The following SNTG2 variants were observed in gnomAD, a reference collection of about 807,000 sequenced individuals.
SNTG2 encodes the protein syntrophin gamma 2, also known as gamma-2-syntrophin.
Under a neutral mutation model 70.9 loss-of-function variants are expected in SNTG2, and 74 were observed. The observed-to-expected ratio is 1.04, with a 90% CI of 0.86 to 1.27. SNTG2 has a LOEUF of 1.27. SNTG2 is among the 50% of genes most tolerant of loss of function. The pLI, the probability that SNTG2 is intolerant of heterozygous loss-of-function variation, is 0.00. For synonymous variants in SNTG2, 278 were observed against 273.8 expected, an observed-to-expected ratio of 1.02 and a Z score of -0.15; for missense variants, 717 against 690.7, an observed-to-expected ratio of 1.04 and a Z score of -0.43.
intron 8 of SNTG2, among the ~76,000 whole-genome samples, chr2:1,189,629 A>T (rs1013509388): frequency 2.7e-5 from 4 of 150,854 alleles, no homozygotes; most frequent in African/African-American, 7.3e-5. Flanking sequence ...CACAATCTTG[A>T]CTCACTGCAA....
At chr2:1,314,625 C>A (rs144639635) in intron 15 of SNTG2, among the ~76,000 whole-genome samples, 1 of 152,296 alleles carries the variant, frequency 6.6e-6, no homozygotes, top group East Asian at 1.9e-4. Context: ...CTTCTGCTCG[C>A]GACAAGAATG....
chr2:1,242,576 C>T (rs1311623139), intron 11 of SNTG2, among the ~76,000 whole-genome samples: 2 of 152,172 alleles, frequency 1.3e-5, no homozygotes, highest in Non-Finnish European at 2.9e-5. Context: ...CATATGCTCA[C>T]CCCACCAAAT....
intron 16 of SNTG2, among the ~76,000 whole-genome samples, chr2:1,364,737 C>CGA (rs547093586): frequency 7.6e-6 from 1 of 132,016 alleles, no homozygotes; most frequent in African/African-American, 2.9e-5. Flanking sequence ...CTAAAAATAC[C>CGA]AAAAAAAAAA....
At chr2:1,235,960 T>G (rs952732028) in intron 9 of SNTG2, among the ~76,000 whole-genome samples, 29 of 152,196 alleles carry the variant, frequency 1.9e-4, no homozygotes, top group African/African-American at 6.8e-4. Flanking sequence ...TGTGTGTGTG[T>G]CCTGTAGCTC....
intron 7 of SNTG2, among the ~76,000 whole-genome samples, chr2:1,166,600 A>AG (rs1254146168): frequency 6.6e-6 from 1 of 152,066 alleles, no homozygotes; most frequent in Non-Finnish European, 1.5e-5. Context: ...CTGATACAGG[A>AG]GGGGGGCAGG....
chr2:1,083,053 G>T (rs1238863878), intron 1 of SNTG2, among the ~76,000 whole-genome samples: 1 of 152,070 alleles, frequency 6.6e-6, no homozygotes, highest in Admixed American at 6.6e-5. Flanking sequence ...TGAGAAGGCC[G>T]CTTCCTCCTC....
Position 1,353,202 on chromosome 2 carries a change from C to A in SNTG2, c.1489-14141C>A, listed in dbSNP as rs1660673993. On this transcript the variant is annotated intron_variant, in intron 16 of 16. Transcript: ENST00000308624. This position sits in a 1 kb window ranked among gnomAD's most constrained non-coding sequence, Gnocchi z 4.2. ...AGGCTGCACATCAGGCCCCCTCCAT[C>A]CCCAGGACAGCCAGGTCACCTGTAC... is the stretch of plus-strand genomic sequence containing the variant. Among the ~76,000 whole-genome samples, 1 of 152,126 alleles carries A rather than the reference C, an allele frequency of 6.6e-6. No homozygotes were observed. The highest frequency in any genetic ancestry group is 2.4e-5 in the African/African-American group (1 of 41,436).
At chr2:1,295,570 A>G (rs1445650505) in intron 14 of SNTG2, among the ~76,000 whole-genome samples, 5 of 152,188 alleles carry the variant, frequency 3.3e-5, no homozygotes, top group African/African-American at 1.2e-4. Flanking sequence ...TGAGTCTCCA[A>G]TGTTTGGGTG....
intron 1 of SNTG2, among the ~76,000 whole-genome samples, chr2:1,060,652 C>G (rs1330279729): frequency 6.6e-6 from 1 of 152,080 alleles, no homozygotes; most frequent in Non-Finnish European, 1.5e-5. Context: ...TCGAATAATT[C>G]AAATATGAAC....
chr2:1,001,692 C>G (rs1360410363), intron 1 of SNTG2, among the ~76,000 whole-genome samples: 2 of 151,972 alleles, frequency 1.3e-5, no homozygotes, highest in South Asian at 2.1e-4. Context: ...CCATACTACC[C>G]AAAGCAATCT....
At chr2:1,218,380 C>CT (rs1329501368) in intron 9 of SNTG2, among the ~76,000 whole-genome samples, 2 of 152,128 alleles carry the variant, frequency 1.3e-5, no homozygotes, top group Non-Finnish European at 2.9e-5. Context: ...TGGGGGCTGC[C>CT]TTAGAACTCT....
intron 8 of SNTG2, among the ~76,000 whole-genome samples, chr2:1,188,421 G>A (rs4971408): frequency 0.55 from 82,967 of 151,820 alleles, 23,616 homozygotes; most frequent in East Asian, 0.75. Flanking sequence ...AATTTGCTAG[G>A]TAAGAGTCAG....
rs1255353402 is a variant in SNTG2 at position 997,025 on chromosome 2, G to A, written c.72+45957G>A. On this transcript the variant is annotated intron_variant, in intron 1 of 16. Transcript: ENST00000308624. ...CAGCACTTCGTTCTGTGTCTGCCTT[G>A]TTCCAGGCACTGTTCTGGATTCCAC... Among the ~76,000 whole-genome samples, 5 of 152,206 alleles carry A rather than the reference G, an allele frequency of 3.3e-5. No individual in the cohort carries two copies. In the East Asian group the frequency reaches 9.7e-4, roughly 29 times the overall value.
chr2:1,223,696 G>C (rs565533278), intron 9 of SNTG2, among the ~76,000 whole-genome samples: 2 of 152,246 alleles, frequency 1.3e-5, no homozygotes, highest in Non-Finnish European at 2.9e-5. Flanking sequence ...GGAGCCAGGC[G>C]TGTCTGGTGG....
intron 9 of SNTG2, among the ~76,000 whole-genome samples, chr2:1,228,474 G>T (rs1156709145): frequency 1.3e-5 from 2 of 152,174 alleles, no homozygotes; most frequent in African/African-American, 4.8e-5. Context: ...CCAGGCTCTT[G>T]CCCACCTTGG....
At chr2:1,009,583 A>T (rs1411119364) in intron 1 of SNTG2, among the ~76,000 whole-genome samples, 1 of 137,228 alleles carries the variant, frequency 7.3e-6, no homozygotes, top group Non-Finnish European at 1.6e-5. Flanking sequence ...TGTGTATGGC[A>T]GCCACACCCA....
At chr2:997,376 C>T (rs775476587) in intron 1 of SNTG2, among the ~76,000 whole-genome samples, 7 of 152,146 alleles carry the variant, frequency 4.6e-5, no homozygotes, top group Non-Finnish European at 1.0e-4. Flanking sequence ...AGACTGTTGA[C>T]AGTGACTTGA....
At chr2:1,224,055 C>G (rs946240257) in intron 9 of SNTG2, among the ~76,000 whole-genome samples, 2 of 152,214 alleles carry the variant, frequency 1.3e-5, no homozygotes, top group Non-Finnish European at 2.9e-5. Flanking sequence ...GGCACCTTCT[C>G]TCTGTGTCTC....
At chr2:1,293,091 C>G (rs543031979) in intron 14 of SNTG2, among the ~76,000 whole-genome samples, 1 of 150,068 alleles carries the variant, frequency 6.7e-6, no homozygotes, top group Non-Finnish European at 1.5e-5. Context: ...GTGTGTCACA[C>G]GAATTTTTTC....
Sources: gnomAD v4.1 joint callset for allele counts (sites outside exome capture counted in the v4.1 genomes callset) on GRCh38, gnomAD v4.1.1 for gene constraint, Gnocchi (gnomAD v3.1) non-coding constraint, MANE v1.5 for transcripts, NCBI Gene and HGNC (gene_info 2026-07-23, HGNC 2026-07-21) for gene names.